The following PCDHGB2 variants were observed in gnomAD, a reference collection of about 807,000 sequenced individuals.
PCDHGB2 encodes protocadherin gamma subfamily B, 2.
In PCDHGB2, 55 loss-of-function variants were observed where a neutral mutation model predicts 59.3. The observed-to-expected ratio is 0.93, with a 90% CI of 0.75 to 1.16. PCDHGB2 has a LOEUF of 1.16. PCDHGB2 is among the 50% of genes most tolerant of loss of function. The pLI, the probability that PCDHGB2 is intolerant of heterozygous loss-of-function variation, is 0.00. For missense variants in PCDHGB2, 1,228 were observed against 1,198.5 expected (o/e 1.02, Z -0.36); for synonymous variants, 516 against 512.0 (o/e 1.01, Z -0.11).
chr5:141,424,061 CTGATT>C, intron 1 of PCDHGB2: 1 of 1,003,194 alleles, frequency 1.0e-6, no homozygotes, highest in Non-Finnish European at 1.2e-6. Flanking sequence ...TGTGCCTTCA[CTGATT>C]TGTAGTTATA....
At chr5:141,502,887 G>T (rs2099816882) in intron 2 of PCDHGB2, among the ~76,000 whole-genome samples, 1 of 40,910 alleles carries the variant, frequency 2.4e-5, no homozygotes, top group Non-Finnish European at 4.5e-5. Context: ...TTTTGACAGG[G>T]AGTCTAGCTC....
In PCDHGB2 at chr5:141,371,335, G is replaced by T. The variant is rs374653658; in HGVS notation, c.2421+8779G>T. 25 of 1,613,822 alleles carry T rather than the reference G, an allele frequency of 1.5e-5. No individual in the cohort carries two copies. In the African/African-American group the frequency reaches 3.2e-4, roughly 21 times the overall value. The stretch of plus-strand genomic sequence containing the variant: ...GAACTGGACTTTGAAGAGAGAGATA[G>T]CTACACAATTGGGGTGGAAGCAAAG... On this transcript the variant is annotated intron_variant, in intron 1 of 3. Coordinates refer to ENST00000522605, the MANE Select transcript of PCDHGB2 (RefSeq NM_018923.3).
At chr5:141,466,827 T>C (rs1414741980) in intron 1 of PCDHGB2, among the ~76,000 whole-genome samples, 1 of 152,194 alleles carries the variant, frequency 6.6e-6, no homozygotes, top group Admixed American at 6.5e-5. Context: ...AACAAGTTAG[T>C]ATGGGTTTAT....
At chr5:141,400,685 T>G in intron 1 of PCDHGB2, 1 of 827,408 alleles carries the variant, frequency 1.2e-6, no homozygotes, top group South Asian at 1.8e-5. Context: ...AAATTGTGAG[T>G]TTTTATGTCG....
chr5:141,404,183 G>T lies in PCDHGB2; in HGVS notation c.2421+41627G>T, dbSNP rs759576056. ...CAGATTGTTGACGGCCCAAATTCTT[G>T]ACCGAGAAAAAGCCTCAGAATATAA... On this transcript the variant is annotated intron_variant, in intron 1 of 3. Coordinates refer to ENST00000522605, the MANE Select transcript of PCDHGB2 (RefSeq NM_018923.3). 2.5e-6 allele frequency: 4 copies of T among 1,613,154 alleles called. No individual in the cohort carries two copies. In the South Asian group the frequency reaches 4.4e-5, roughly 18 times the overall value.
At chr5:141,413,124 AAC>A in intron 1 of PCDHGB2, 2 of 1,528,020 alleles carry the variant, frequency 1.3e-6, no homozygotes, top group Non-Finnish European at 1.8e-6. Flanking sequence ...AACCGGTTGA[AAC>A]ACACAACGTG....
At chr5:141,441,764 C>T (rs1407504024) in intron 1 of PCDHGB2, 1 of 384,478 alleles carries the variant, frequency 2.6e-6, no homozygotes, top group South Asian at 2.1e-5. Context: ...TGAGCCTGCG[C>T]GTGTTGGTGG....
chr5:141,362,441 A>T lies in PCDHGB2; in HGVS notation c.2306A>T (p.Asn769Ile). Residue 769 changes from asparagine (N) to isoleucine (I), a missense_variant, in exon 1 of 4, where the codon AAC becomes ATC. Physicochemically the swap from Asn to Ile is moderately radical, Grantham distance 149 (BLOSUM62 -3). Around this residue, in one of 3 missense-constraint regions of PCDHGB2, gnomAD observed 433 missense variants for 441.8 expected, o/e 0.98. Coordinates refer to ENST00000522605, the MANE Select transcript of PCDHGB2 (RefSeq NM_018923.3). Reference sequence around the variant, plus strand: ...GCCAAGACAGAGTTCAATTTTCTGAACATAACCCCGGAATTGGTTCCCGCG... The same window carrying T: ...GCCAAGACAGAGTTCAATTTTCTGATCATAACCCCGGAATTGGTTCCCGCG... Reference protein sequence around the residue: ...QSAKTEFNFLNITPELVPAQD... With the variant: ...QSAKTEFNFLIITPELVPAQD... 2.5e-6 allele frequency: 4 copies of T among 1,614,052 alleles called. No homozygotes were observed. The highest frequency in any genetic ancestry group is 3.4e-6 in the Non-Finnish European group (4 of 1,179,904).
At chr5:141,376,250 C>T (rs777637519) in intron 1 of PCDHGB2, 13 of 1,614,128 alleles carry the variant, frequency 8.1e-6, no homozygotes, top group African/African-American at 8.0e-5. Flanking sequence ...GCACAAGTCA[C>T]GCCTGCTGCA....
intron 1 of PCDHGB2, chr5:141,384,682 G>C (rs1780361260): frequency 6.2e-7 from 1 of 1,614,222 alleles, no homozygotes; most frequent in Non-Finnish European, 8.5e-7. Context: ...GGTGGCGGTG[G>C]ACAAAGATTC....
At chr5:141,423,094 C>CGCGTGCGT (rs2096708722) in intron 1 of PCDHGB2, 4 of 1,613,860 alleles carry the variant, frequency 2.5e-6, no homozygotes, top group African/African-American at 2.7e-5. Flanking sequence ...GGTGGGGGAG[C>CGCGTGCGT]ACACGGGCGA....
intron 1 of PCDHGB2, among the ~76,000 whole-genome samples, chr5:141,406,290 G>A (rs2094788974): frequency 6.6e-6 from 1 of 151,998 alleles, no homozygotes; most frequent in Non-Finnish European, 1.5e-5. Flanking sequence ...AAAGCACTGG[G>A]TGAGGTGTGA....
At chr5:141,383,843 A>G in intron 1 of PCDHGB2, 4 of 1,613,970 alleles carry the variant, frequency 2.5e-6, no homozygotes, top group Non-Finnish European at 2.5e-6. Flanking sequence ...ACTGCCTTCT[A>G]TGAAATGGAG....
At chr5:141,392,859 CT>C in intron 1 of PCDHGB2, 1 of 1,612,504 alleles carries the variant, frequency 6.2e-7, no homozygotes, top group Non-Finnish European at 8.5e-7. Flanking sequence ...GCTGATCCTG[CT>C]GTGCGCGCTG....
At chr5:141,510,335 AC>A (rs1247622083) in intron 3 of PCDHGB2, among the ~76,000 whole-genome samples, 1 of 149,138 alleles carries the variant, frequency 6.7e-6, no homozygotes, top group African/African-American at 2.5e-5. Context: ...CTTCACCCCC[AC>A]CCCACACACT....
Position 141,494,803 on chromosome 5 carries a change from A to G in PCDHGB2, c.2422-4A>G. On this transcript the variant is annotated splice_polypyrimidine_tract_variant and splice_region_variant and intron_variant, in intron 1 of 3. Transcript: ENST00000522605. ...CAGCCCCTTTCCCTCTGTTTTCTCC[A>G]CAGCAAGCCCCGCCCAACACGGACT... The G allele has an allele frequency of 6.2e-7, 1 of 1,613,646 alleles. No individual in the cohort carries two copies. Among genetic ancestry groups the G allele is most frequent in the Non-Finnish European group, 8.5e-7 (1 of 1,179,900 alleles).
At chr5:141,423,409 G>T (rs1168604361) in intron 1 of PCDHGB2, 1 of 1,614,148 alleles carries the variant, frequency 6.2e-7, no homozygotes, top group South Asian at 1.1e-5. Flanking sequence ...CCTGCTGCAG[G>T]CTTCTGAAGG....
At chr5:141,482,901 A>T (rs192886570) in intron 1 of PCDHGB2, among the ~76,000 whole-genome samples, 2 of 152,240 alleles carry the variant, frequency 1.3e-5, no homozygotes, top group African/African-American at 4.8e-5. Flanking sequence ...GTGAAACCTC[A>T]TCTCTATTAA....
chr5:141,464,184 G>T (rs1348739162), intron 1 of PCDHGB2, among the ~76,000 whole-genome samples: 1 of 150,316 alleles, frequency 6.7e-6, no homozygotes, highest in Non-Finnish European at 1.5e-5. Flanking sequence ...AGAATTGCTT[G>T]ATTTCAGGAG....
Sources: allele counts gnomAD v4.1 joint callset (sites outside exome capture counted in the v4.1 genomes callset), GRCh38; gene constraint gnomAD v4.1.1; regional missense constraint gnomAD v4.1.1; transcripts MANE v1.5; gene names NCBI Gene and HGNC (gene_info 2026-07-23, HGNC 2026-07-21).